The following FRMD4A variants were observed in gnomAD, a reference collection of about 807,000 sequenced individuals.
FRMD4A encodes FERM domain-containing protein 4A.
FRMD4A carries 29 observed loss-of-function variants against 129.1 expected under a neutral mutation model. The observed-to-expected ratio is 0.22, with a 90% CI of 0.17 to 0.31. The LOEUF is 0.31. FRMD4A is among the 10% of genes least tolerant of loss of function. The pLI is 1.00. For missense variants in FRMD4A, 1,272 were observed against 1,375.8 expected, an observed-to-expected ratio of 0.92 and a Z score of 1.19; for synonymous variants, 634 against 571.6, an observed-to-expected ratio of 1.11 and a Z score of -1.56.
intron 2 of FRMD4A, among the ~76,000 whole-genome samples, chr10:13,979,195 T>A (rs2095552209): frequency 6.6e-6 from 1 of 152,082 alleles, no homozygotes; most frequent in South Asian, 2.1e-4. Flanking sequence ...CAAAGCCTTA[T>A]GTGAAAAAAA....
intron 2 of FRMD4A, among the ~76,000 whole-genome samples, chr10:14,076,010 T>C (rs1187953367): frequency 2.0e-5 from 3 of 152,192 alleles, no homozygotes; most frequent in Non-Finnish European, 4.4e-5. Context: ...GGATGGAACA[T>C]TGACCAGAAG....
At chr10:14,173,980 A>T (rs1157226908) in intron 2 of FRMD4A, among the ~76,000 whole-genome samples, 1 of 151,980 alleles carries the variant, frequency 6.6e-6, no homozygotes, top group Admixed American at 6.6e-5. Context: ...CTCCAAGCAG[A>T]AGGAAAAGAA....
At chr10:14,229,840 T>A (rs1471186157) in intron 2 of FRMD4A, among the ~76,000 whole-genome samples, 2 of 152,194 alleles carry the variant, frequency 1.3e-5, no homozygotes, top group Non-Finnish European at 2.9e-5. Context: ...GCTATCACAT[T>A]GTAACAAAGC....
intron 2 of FRMD4A, among the ~76,000 whole-genome samples, chr10:14,099,136 C>T (rs1384577419): frequency 6.6e-6 from 1 of 152,170 alleles, no homozygotes; most frequent in Non-Finnish European, 1.5e-5. Context: ...GGTATATAGG[C>T]CTCCCTCCAC....
At chr10:14,180,420 A>T (rs1196843771) in intron 2 of FRMD4A, among the ~76,000 whole-genome samples, 1 of 152,208 alleles carries the variant, frequency 6.6e-6, no homozygotes, top group Non-Finnish European at 1.5e-5. Flanking sequence ...AAGGCGGTAC[A>T]AGCAGAATTT....
intron 3 of FRMD4A, among the ~76,000 whole-genome samples, chr10:13,818,332 T>A (rs1564852479): frequency 6.6e-6 from 1 of 151,676 alleles, no homozygotes; most frequent in Non-Finnish European, 1.5e-5. Context: ...GCTGGCTAAT[T>A]AAAAAAAAAT....
intron 2 of FRMD4A, among the ~76,000 whole-genome samples, chr10:13,860,968 G>C (rs1434891083): frequency 1.3e-5 from 2 of 152,148 alleles, no homozygotes; most frequent in East Asian, 3.8e-4. Context: ...CAACTCTCCA[G>C]GCTAAGAATA....
intron 2 of FRMD4A, among the ~76,000 whole-genome samples, chr10:13,993,046 T>C (rs2095609222): frequency 6.6e-6 from 1 of 151,660 alleles, no homozygotes; most frequent in Admixed American, 6.6e-5. Context: ...CTCTTGCGTG[T>C]CCTATGTCCC....
rs556460868 is a variant in FRMD4A, at chr10:13,976,236, G to A, written c.46-117324C>T. Among the ~76,000 whole-genome samples the A allele has an allele frequency of 8.3e-4, 127 of 152,200 alleles. 1 individual carries two copies. Among genetic ancestry groups the A allele is most frequent in the Non-Finnish European group, 1.2e-3 (81 of 68,036 alleles). ...AAGTCCTGGGGAAACATCCCAAGGAGAAGCTGAGGTCTTGGTCCTGGGATT... is the reference window on the plus strand; with the variant it reads ...AAGTCCTGGGGAAACATCCCAAGGAAAAGCTGAGGTCTTGGTCCTGGGATT... On this transcript the variant is annotated intron_variant, in intron 2 of 24. Coordinates refer to ENST00000357447, the MANE Select transcript of FRMD4A (RefSeq NM_018027.5).
At chr10:13,673,009 G>A (rs1054182572) in intron 16 of FRMD4A, among the ~76,000 whole-genome samples, 3 of 152,078 alleles carry the variant, frequency 2.0e-5, no homozygotes, top group Non-Finnish European at 2.9e-5. Context: ...TTTTAAGAGC[G>A]ATGGTGAGAT....
chr10:14,330,623 T>C lies in FRMD4A; in HGVS notation c.-108A>G. On this transcript the variant is annotated 5_prime_UTR_variant, in exon 1 of 25. Coordinates refer to ENST00000357447, the MANE Select transcript of FRMD4A (RefSeq NM_018027.5). ...GCTCGCAATCTGGTCAGTGTCTTCT[T>C]TGCTGCAGATAGGTGTGTCCCTTTT... 5.0e-6 allele frequency: 2 copies of C among 399,398 alleles called. No individual in the cohort carries two copies. Among genetic ancestry groups the C allele is most frequent in the Non-Finnish European group, 8.8e-6 (2 of 227,022 alleles). 24.7% of individuals were successfully genotyped at this position (399,398 alleles called of 1,614,324 possible).
chr10:13,653,721 CA>C (rs2081886062), intron 23 of FRMD4A: 1 of 151,356 alleles, frequency 6.6e-6, no homozygotes, highest in African/African-American at 2.5e-5. Flanking sequence ...GATGATGTCT[CA>C]GGGGCAACAG....
At chr10:14,178,947 CCT>C (rs1293995803) in intron 2 of FRMD4A, among the ~76,000 whole-genome samples, 2 of 152,132 alleles carry the variant, frequency 1.3e-5, no homozygotes, top group Non-Finnish European at 2.9e-5. Context: ...CACCAAGGAA[CCT>C]CTCTTAGCAA....
intron 2 of FRMD4A, chr10:13,890,500 G>T (rs1004504599): frequency 2.1e-6 from 2 of 973,126 alleles, no homozygotes; most frequent in African/African-American, 3.5e-5. Context: ...TGGAAGGGGG[G>T]TACCAGCAGC....
At chr10:13,882,958 C>T (rs1213585365) in intron 2 of FRMD4A, among the ~76,000 whole-genome samples, 1 of 151,980 alleles carries the variant, frequency 6.6e-6, no homozygotes, top group African/African-American at 2.4e-5. Flanking sequence ...TGCATGCCAC[C>T]ACACCTGGCT....
intron 2 of FRMD4A, among the ~76,000 whole-genome samples, chr10:14,150,268 C>A (rs926189913): frequency 6.6e-6 from 1 of 152,020 alleles, no homozygotes; most frequent in Non-Finnish European, 1.5e-5. Context: ...AGGAAGGAGA[C>A]AAAAGAGCTT....
At chr10:13,839,933 G>A (rs2093936443) in intron 3 of FRMD4A, among the ~76,000 whole-genome samples, 1 of 152,234 alleles carries the variant, frequency 6.6e-6, no homozygotes, top group South Asian at 2.1e-4. Flanking sequence ...CCCAGGTGCA[G>A]AAAGCAGAGG....
At chr10:14,038,052 G>A (rs368138735) in intron 2 of FRMD4A, among the ~76,000 whole-genome samples, 17 of 152,366 alleles carry the variant, frequency 1.1e-4, no homozygotes, top group African/African-American at 4.1e-4. Flanking sequence ...GCCGGTCGCG[G>A]TGGCTCACGC....
chr10:13,955,450 G>A (rs752460908), intron 2 of FRMD4A, among the ~76,000 whole-genome samples: 6 of 152,226 alleles, frequency 3.9e-5, no homozygotes, highest in Middle Eastern at 3.4e-3. Flanking sequence ...GTGATCCATC[G>A]TACTCCTAAT....
Sources: allele counts gnomAD v4.1 joint callset (sites outside exome capture counted in the v4.1 genomes callset), GRCh38; gene constraint gnomAD v4.1.1; transcripts MANE v1.5; gene names NCBI Gene and HGNC (gene_info 2026-07-23, HGNC 2026-07-21).